The following DPP10 variants were observed in gnomAD, a reference collection of about 807,000 sequenced individuals.
DPP10 encodes the protein dipeptidyl peptidase like 10, also known as inactive dipeptidyl peptidase 10.
A neutral mutation model predicts 120.9 loss-of-function variants in DPP10; 33 were observed. The ratio of observed to expected loss-of-function variants is 0.27; its 90% CI spans 0.21 to 0.37. DPP10 has a LOEUF of 0.37. Among genes scored for constraint, DPP10 ranks in the 10% least tolerant of loss-of-function variants. The probability of loss-of-function intolerance (pLI) is 1.00; values close to 1 mark genes in which losing one functional copy is unlikely to be tolerated. For missense variants in DPP10, 816 were observed against 942.8 expected (o/e 0.87, Z 1.76); for synonymous variants, 337 against 326.1 (o/e 1.03, Z -0.36).
intron 1 of DPP10, among the ~76,000 whole-genome samples, chr2:114,874,031 G>A (rs1402408185): frequency 6.6e-6 from 1 of 152,158 alleles, no homozygotes; most frequent in Non-Finnish European, 1.5e-5. Flanking sequence ...TGCATTCAAA[G>A]ACAAACTGGA....
At chr2:115,350,519 A>G (rs201233878) in intron 3 of DPP10, among the ~76,000 whole-genome samples, 2 of 152,184 alleles carry the variant, frequency 1.3e-5, no homozygotes, top group East Asian at 3.9e-4. Context: ...TAAAATTCTC[A>G]TTATGGTAGA....
chr2:114,589,988 T>C (rs1190938537), intron 1 of DPP10, among the ~76,000 whole-genome samples: 1 of 152,052 alleles, frequency 6.6e-6, no homozygotes, highest in Non-Finnish European at 1.5e-5. Context: ...ACCCTAATTC[T>C]TTAAAAAAAA....
chr2:115,444,353 G>A (rs2072369212), intron 3 of DPP10, among the ~76,000 whole-genome samples: 1 of 152,098 alleles, frequency 6.6e-6, no homozygotes, highest in African/African-American at 2.4e-5. Flanking sequence ...TAACATGACG[G>A]TTAGACTCAG....
At chr2:114,912,047 CAATT>C (rs1694408485) in intron 1 of DPP10, among the ~76,000 whole-genome samples, 1 of 151,974 alleles carries the variant, frequency 6.6e-6, no homozygotes, top group African/African-American at 2.4e-5. Context: ...AGTTAAATTG[CAATT>C]GATTGAATAA....
At chr2:115,320,404 C>G (rs371114349) in intron 2 of DPP10, among the ~76,000 whole-genome samples, 1 of 151,730 alleles carries the variant, frequency 6.6e-6, no homozygotes, top group Non-Finnish European at 1.5e-5. Flanking sequence ...TGTCCTTTTA[C>G]GTGTTTTTTT....
intron 1 of DPP10, among the ~76,000 whole-genome samples, chr2:114,848,130 A>G (rs1035770503): frequency 1.3e-5 from 2 of 152,202 alleles, no homozygotes; most frequent in African/African-American, 4.8e-5. Flanking sequence ...GGATGGCCCG[A>G]GTTTATAAAA....
chr2:115,602,119 T>A (rs925603669), intron 5 of DPP10, among the ~76,000 whole-genome samples: 1 of 152,180 alleles, frequency 6.6e-6, no homozygotes, highest in Non-Finnish European at 1.5e-5. Context: ...AACCCCACAT[T>A]GTAAGCAGAA....
chr2:115,766,310 G>GTGTGTGTGTATA lies in DPP10; in HGVS notation c.1114-1986_1114-1985insGTGTGTGTATAT, dbSNP rs1371625141. Among the ~76,000 whole-genome samples, 55 of 81,732 alleles carry GTGTGTGTGTATA rather than the reference G, an allele frequency of 6.7e-4. 1 individual carries two copies. The highest frequency in any genetic ancestry group is 9.3e-4 in the Admixed American group (7 of 7,506). The allele number at this position is 81,732 out of a possible 152,430, so 53.6% of individuals were successfully genotyped here. On this transcript the variant is annotated intron_variant, in intron 12 of 25. Transcript: ENST00000410059. Reference sequence around the variant, plus strand: ...TATGTGTGTGTGTGTGTGTGTGTGTGTATATATATATATATGTATATATAT... The same window carrying GTGTGTGTGTATA: ...TATGTGTGTGTGTGTGTGTGTGTGTGTGTGTGTGTATATATATATATATATATGTATATATAT...
intron 3 of DPP10, among the ~76,000 whole-genome samples, chr2:115,374,102 T>G (rs1296272152): frequency 6.6e-6 from 1 of 152,218 alleles, no homozygotes; most frequent in Non-Finnish European, 1.5e-5. Context: ...TTTCTGCCAC[T>G]GGGTCCTCTT....
chr2:115,622,536 G>T (rs868413430), intron 5 of DPP10, among the ~76,000 whole-genome samples: 223 of 62,032 alleles, frequency 3.6e-3, no homozygotes, highest in Non-Finnish European at 5.7e-3. Context: ...TTTTTTTAAC[G>T]TATGTTTTCT....
At chr2:114,594,242 A>G (rs772486020) in intron 1 of DPP10, among the ~76,000 whole-genome samples, 1 of 151,992 alleles carries the variant, frequency 6.6e-6, no homozygotes, top group Non-Finnish European at 1.5e-5. Flanking sequence ...TTCCTGCCCT[A>G]GAACATCAGA....
chr2:114,610,902 C>A (rs143085745), intron 1 of DPP10, among the ~76,000 whole-genome samples: 135 of 152,090 alleles, frequency 8.9e-4, no homozygotes, highest in African/African-American at 3.3e-3. Flanking sequence ...CCTCAGGCCA[C>A]CACCACCCCC....
chr2:115,632,249 G>A (rs749461485), intron 5 of DPP10, among the ~76,000 whole-genome samples: 3 of 152,024 alleles, frequency 2.0e-5, no homozygotes, highest in Non-Finnish European at 4.4e-5. Flanking sequence ...GCTATATTCT[G>A]CTTTCCATTT....
chr2:115,434,722 T>C lies in DPP10; in HGVS notation c.272-64788T>C, dbSNP rs2071325249. On this transcript the variant is annotated intron_variant, in intron 3 of 25. Transcript: ENST00000410059. ...CTTCTCTTCTTGCTTCTTTGAAATA[T>C]ATTTTTAAAATGTTAATTATCATCC... Among the ~76,000 whole-genome samples, 10 of 151,736 alleles carry C rather than the reference T, an allele frequency of 6.6e-5. No homozygotes were observed. In the Admixed American group the frequency reaches 6.6e-4, roughly 10 times the overall value.
At chr2:115,552,934 A>G (rs904438487) in intron 5 of DPP10, among the ~76,000 whole-genome samples, 1 of 152,112 alleles carries the variant, frequency 6.6e-6, no homozygotes. Context: ...TACACTTTAA[A>G]TTCCTAGATT....
chr2:115,316,782 G>A (rs1574399391), intron 2 of DPP10, among the ~76,000 whole-genome samples: 1 of 152,014 alleles, frequency 6.6e-6, no homozygotes, highest in Admixed American at 6.6e-5. Context: ...TGATTAGATA[G>A]TCTGGTCTCT....
At chr2:115,325,405 T>C (rs2106129216) in intron 2 of DPP10, among the ~76,000 whole-genome samples, 1 of 152,232 alleles carries the variant, frequency 6.6e-6, no homozygotes, top group Admixed American at 6.5e-5. Flanking sequence ...TATTACCAAA[T>C]AGAAAAGAAA....
chr2:114,509,016 A>AAG (rs374283145), intron 1 of DPP10, among the ~76,000 whole-genome samples: 431 of 150,486 alleles, frequency 2.9e-3, no homozygotes, highest in Non-Finnish European at 4.8e-3. Context: ...GAGAGTGAGA[A>AAG]AGAGAGAGAG....
chr2:115,644,629 A>T (rs1195568937), intron 5 of DPP10, among the ~76,000 whole-genome samples: 1 of 151,432 alleles, frequency 6.6e-6, no homozygotes, highest in Non-Finnish European at 1.5e-5. Flanking sequence ...AAAAAAAAAA[A>T]AATAGCTAGG....
Sources: allele counts gnomAD v4.1 joint callset (sites outside exome capture counted in the v4.1 genomes callset), GRCh38; gene constraint gnomAD v4.1.1; transcripts MANE v1.5; gene names NCBI Gene and HGNC (gene_info 2026-07-23, HGNC 2026-07-21).